CORIN: variants seen among roughly 807,000 people sequenced by gnomAD.
The protein encoded by CORIN is atrial natriuretic peptide-converting enzyme.
In CORIN, 117 loss-of-function variants were observed where a neutral mutation model predicts 125.3. That is an observed-to-expected ratio of 0.93 (90% CI 0.80 to 1.09). The LOEUF (loss-of-function observed/expected upper bound fraction) is 1.09. Ranked by LOEUF, CORIN falls within the 50% of genes least tolerant of loss-of-function variation. CORIN has a pLI of 0.00. For missense variants in CORIN, 1,253 were observed against 1,306.7 expected (o/e 0.96, Z 0.63); for synonymous variants, 450 against 466.4 (o/e 0.96, Z 0.45).
chr4:47,782,211 C>T (rs1210163827), intron 3 of CORIN, among the ~76,000 whole-genome samples: 5 of 151,544 alleles, frequency 3.3e-5, no homozygotes, highest in South Asian at 4.2e-4. Flanking sequence ...GTGGCAAAAC[C>T]CTGTCTCTAC....
At position 47,763,429 on chromosome 4, in the gene CORIN, C is replaced by G. The variant is rs377225775; in HGVS notation, c.567G>C (p.Leu189=). 54 of 1,613,978 alleles carry G rather than the reference C, an allele frequency of 3.3e-5. No individual in the cohort carries two copies. In the African/African-American group the frequency reaches 6.3e-4, roughly 19 times the overall value. ...HRLSCYQHIM[L]FGCTLAFPEC... ...CAGGGAAGGCGAGGGTACAGCCAAA[C>G]AGCATGATATGTTGATAGCAACTGA... The change falls in exon 4 of 22, where the codon CTG becomes CTC. Residue 189 remains leucine, a synonymous_variant. Transcript: ENST00000273857.
intron 11 of CORIN, among the ~76,000 whole-genome samples, chr4:47,663,173 G>C (rs529620443): frequency 1.3e-5 from 2 of 152,048 alleles, no homozygotes; most frequent in Non-Finnish European, 2.9e-5. Context: ...TCCAGGGGGC[G>C]CTGTTCTTAT....
chr4:47,786,245 G>C lies in CORIN; in HGVS notation c.409+480C>G, dbSNP rs150649681. ...TAATGGCATTTCATGTTTAAGAATAGGGCACTCAGCAGGGCGCGGTGGCTC... is the reference window on the plus strand; with the variant it reads ...TAATGGCATTTCATGTTTAAGAATACGGCACTCAGCAGGGCGCGGTGGCTC... On this transcript the variant is annotated intron_variant, in intron 3 of 21. Transcript: ENST00000273857. 1.5e-3 allele frequency among the ~76,000 whole-genome samples: 231 copies of C among 152,128 alleles called. 1 individual carries two copies. The highest frequency in any genetic ancestry group is 5.4e-3 in the African/African-American group (224 of 41,520).
chr4:47,831,754 T>C (rs1187647297), intron 1 of CORIN, among the ~76,000 whole-genome samples: 1 of 152,008 alleles, frequency 6.6e-6, no homozygotes, highest in Admixed American at 6.6e-5. Context: ...AAAATATATG[T>C]TCACCGAGAA....
chr4:47,608,627 C>G (rs560094021), intron 19 of CORIN, among the ~76,000 whole-genome samples: 2 of 152,312 alleles, frequency 1.3e-5, no homozygotes, highest in South Asian at 4.2e-4. Context: ...CATTTAGAGT[C>G]TAATTTGCTT....
rs560604465 is a variant in CORIN at position 47,756,646 on chromosome 4, T to C, written c.617+6733A>G. Among the ~76,000 whole-genome samples the C allele has an allele frequency of 4.6e-5, 7 of 151,016 alleles. No individual in the cohort carries two copies. The South Asian group carries it at 1.0e-3, about 22-fold the overall frequency. On this transcript the variant is annotated intron_variant, in intron 4 of 21. Transcript: ENST00000273857. The stretch of plus-strand genomic sequence containing the variant: ...TTTTAATCTTAGTCATGTGGCTAAG[T>C]AATTTTTTTTATAAAATTGCTCTAG...
In CORIN at chr4:47,837,962, T is replaced by C; in HGVS notation, c.-13A>G. ...GAGACTGTTTCATGGATAAAAAGTC[T>C]CGCTTATTCTTCTGTCCACTTTTAT... On this transcript the variant is annotated 5_prime_UTR_variant, in exon 1 of 22. Transcript: ENST00000273857. The C allele has an allele frequency of 6.2e-7, 1 of 1,611,392 alleles. No individual in the cohort carries two copies. Among genetic ancestry groups the C allele is most frequent in the Non-Finnish European group, 8.5e-7 (1 of 1,180,020 alleles).
chr4:47,704,111 C>T (rs1359213368), intron 5 of CORIN, among the ~76,000 whole-genome samples: 1 of 152,286 alleles, frequency 6.6e-6, no homozygotes, highest in South Asian at 2.1e-4. Context: ...CAGGCTCCTC[C>T]GCTTTTCTAC....
intron 20 of CORIN, among the ~76,000 whole-genome samples, chr4:47,601,605 G>A (rs7670471): frequency 0.14 from 20,825 of 151,906 alleles, 1,850 homozygotes; most frequent in African/African-American, 0.24. Context: ...TGGAGTGTGC[G>A]TTATGTTGCA....
At chr4:47,813,822 G>T (rs1422599050) in intron 1 of CORIN, among the ~76,000 whole-genome samples, 1 of 152,124 alleles carries the variant, frequency 6.6e-6, no homozygotes, top group Non-Finnish European at 1.5e-5. Flanking sequence ...CTTGCTAGAG[G>T]TTATCCTAAT....
chr4:47,686,688 A>T (rs1725530377), intron 6 of CORIN, among the ~76,000 whole-genome samples: 1 of 152,200 alleles, frequency 6.6e-6, no homozygotes, highest in African/African-American at 2.4e-5. Context: ...GTTTTGAGTC[A>T]ACATGCTAGA....
In CORIN at chr4:47,595,819, A is replaced by G; in HGVS notation, c.3031T>C (p.Phe1011Leu). The G allele has an allele frequency of 6.2e-7, 1 of 1,613,868 alleles. No individual in the cohort carries two copies. The highest frequency in any genetic ancestry group is 8.5e-7 in the Non-Finnish European group (1 of 1,179,858). ...FGLTSWGSVC[F>L]SKVLGPGVYS... The stretch of plus-strand genomic sequence containing the variant: ...ACGCCAGGCCCCAGGACTTTGGAAA[A>G]GCAGACGGAGCCCCATGAAGTTAAT... Residue 1011 changes from phenylalanine to leucine, a missense_variant, in exon 22 of 22, where the codon TTT (phenylalanine) becomes CTT (leucine). Physicochemically the swap from Phe to Leu is conservative, Grantham distance 22 (BLOSUM62 0). Coordinates refer to ENST00000273857, the MANE Select transcript of CORIN (RefSeq NM_006587.4).
intron 4 of CORIN, among the ~76,000 whole-genome samples, chr4:47,757,895 T>C (rs1560535457): frequency 1.4e-5 from 2 of 144,950 alleles, no homozygotes; most frequent in Admixed American, 6.9e-5. Context: ...TATATATATA[T>C]ATATATATAT....
rs151162491 is a variant in CORIN at position 47,617,248 on chromosome 4, ATATATTT to A, written c.2540+6316_2540+6322del. ...AGATGCTCATTTGGGGTTTATGATC[ATATATTT>A]TATGTGACCTCAGTTAGCAGACAGG... On this transcript the variant is annotated intron_variant, in intron 19 of 21. Transcript: ENST00000273857. Among the ~76,000 whole-genome samples, 442 of 152,334 alleles carry A rather than the reference ATATATTT, an allele frequency of 2.9e-3. 3 individuals are homozygous for A. Among genetic ancestry groups the A allele is most frequent in the African/African-American group, 9.7e-3 (405 of 41,576 alleles).
Position 47,609,847 on chromosome 4 carries a change from C to T in CORIN, c.2541-6179G>A, listed in dbSNP as rs190578370. 8.9e-4 allele frequency among the ~76,000 whole-genome samples: 135 copies of T among 152,288 alleles called. 1 individual carries two copies. Among genetic ancestry groups the T allele is most frequent in the African/African-American group, 3.1e-3 (130 of 41,566 alleles). On this transcript the variant is annotated intron_variant, in intron 19 of 21. Coordinates refer to ENST00000273857, the MANE Select transcript of CORIN (RefSeq NM_006587.4). Reference sequence around the variant, plus strand: ...TTCAGCTCCCACTTATCAGTGAGAACATGTGGTATTTGATTTTCTGTTCCT... The same window carrying T: ...TTCAGCTCCCACTTATCAGTGAGAATATGTGGTATTTGATTTTCTGTTCCT...
chr4:47,661,781 T>A lies in CORIN; in HGVS notation c.1665A>T (p.Thr555=). 1 of 1,613,702 alleles carries A rather than the reference T, an allele frequency of 6.2e-7. No homozygotes were observed. The highest frequency in any genetic ancestry group is 8.5e-7 in the Non-Finnish European group (1 of 1,179,724). The stretch of plus-strand genomic sequence containing the variant: ...TTTCCTCTGGAAATTGACTGCAATC[T>A]GTGTCTTCAGGCCACTGTAGGCCCA... ...GIVGLQWPED[T]DCSQFPEENS... The change falls in exon 12 of 22, where the codon ACA becomes ACT. Residue 555 remains threonine, a synonymous_variant. Coordinates refer to ENST00000273857, the MANE Select transcript of CORIN (RefSeq NM_006587.4).
chr4:47,669,691 C>T (rs1724653721), intron 10 of CORIN, among the ~76,000 whole-genome samples: 2 of 151,898 alleles, frequency 1.3e-5, no homozygotes, highest in Admixed American at 1.3e-4. Flanking sequence ...GCCTCAGCTT[C>T]CCGAGTAGCT....
At chr4:47,801,022 T>A (rs917958466) in intron 2 of CORIN, among the ~76,000 whole-genome samples, 1 of 152,024 alleles carries the variant, frequency 6.6e-6, no homozygotes, top group African/African-American at 2.4e-5. Context: ...CTTCTCAACC[T>A]CCCTCCTGGA....
intron 13 of CORIN, among the ~76,000 whole-genome samples, chr4:47,652,902 A>T (rs1038980340): frequency 2.3e-4 from 35 of 152,230 alleles, no homozygotes; most frequent in African/African-American, 8.2e-4. Context: ...TTTAAAACTG[A>T]TAACAATGGC....
Sources: allele counts gnomAD v4.1 joint callset (sites outside exome capture counted in the v4.1 genomes callset), GRCh38; gene constraint gnomAD v4.1.1; transcripts MANE v1.5; gene names NCBI Gene and HGNC (gene_info 2026-07-23, HGNC 2026-07-21).